The following STEAP1B variants were observed in gnomAD, a reference collection of about 807,000 sequenced individuals.
STEAP1B encodes the protein STEAP family member 1B.
In STEAP1B, 13 loss-of-function variants were observed where a neutral mutation model predicts 27.9. That is an observed-to-expected ratio of 0.47 (90% CI 0.30 to 0.74). STEAP1B has a LOEUF of 0.74. STEAP1B is among the 30% of genes least tolerant of loss of function. STEAP1B has a pLI of 0.06. For missense variants in STEAP1B, 250 were observed against 298.7 expected, an observed-to-expected ratio of 0.84 and a Z score of 1.20; for synonymous variants, 86 against 107.1, an observed-to-expected ratio of 0.80 and a Z score of 1.22.
chr7:22,446,390 G>A (rs1355673576), intron 4 of STEAP1B, among the ~76,000 whole-genome samples: 2 of 152,192 alleles, frequency 1.3e-5, no homozygotes, highest in African/African-American at 2.4e-5. Context: ...CCCCAACCTG[G>A]AGCCACAGGA....
chr7:22,479,698 T>C (rs1031685155), intron 4 of STEAP1B, among the ~76,000 whole-genome samples: 20 of 149,660 alleles, frequency 1.3e-4, no homozygotes, highest in Non-Finnish European at 3.0e-4. Context: ...TTTTTTTTTT[T>C]TTCTGAGATA....
chr7:22,452,692 G>T (rs1327117692), intron 4 of STEAP1B, among the ~76,000 whole-genome samples: 2 of 152,150 alleles, frequency 1.3e-5, no homozygotes, highest in Non-Finnish European at 2.9e-5. Flanking sequence ...TTCAGTCTCG[G>T]GGTAAAAACT....
intron 4 of STEAP1B, among the ~76,000 whole-genome samples, chr7:22,463,787 C>T (rs1051242618): frequency 2.6e-5 from 4 of 151,616 alleles, no homozygotes; most frequent in Admixed American, 6.6e-5. Flanking sequence ...CTTCCTTACA[C>T]CTTATACAAA....
intron 1 of STEAP1B, among the ~76,000 whole-genome samples, chr7:22,499,369 T>G (rs1181831275): frequency 3.4e-5 from 5 of 148,866 alleles, no homozygotes; most frequent in Non-Finnish European, 3.0e-5. Context: ...CTAAGTGAAG[T>G]CGAGTTTTTT....
At chr7:22,480,610 T>G (rs143006540) in intron 4 of STEAP1B, among the ~76,000 whole-genome samples, 1 of 152,306 alleles carries the variant, frequency 6.6e-6, no homozygotes, top group African/African-American at 2.4e-5. Flanking sequence ...TTGAGAAAAA[T>G]GGCTCCAGGC....
intron 4 of STEAP1B, among the ~76,000 whole-genome samples, chr7:22,473,262 T>C (rs987384149): frequency 2.0e-5 from 3 of 152,252 alleles, no homozygotes; most frequent in African/African-American, 4.8e-5. Context: ...AAGGACACCC[T>C]TTCTAGTTGA....
At chr7:22,437,554 A>G (rs1442874471) in intron 4 of STEAP1B, among the ~76,000 whole-genome samples, 2 of 152,242 alleles carry the variant, frequency 1.3e-5, no homozygotes, top group African/African-American at 2.4e-5. Context: ...TAATGTAGCA[A>G]TGAACATGGA....
At chr7:22,459,049 G>A (rs1423240012) in intron 4 of STEAP1B, among the ~76,000 whole-genome samples, 1 of 152,170 alleles carries the variant, frequency 6.6e-6, no homozygotes, top group Non-Finnish European at 1.5e-5. Flanking sequence ...TCCAGCAATT[G>A]ACTTTGGCTC....
chr7:22,499,362 A>G (rs928744981), intron 1 of STEAP1B, among the ~76,000 whole-genome samples: 8 of 151,160 alleles, frequency 5.3e-5, no homozygotes, highest in Non-Finnish European at 1.0e-4. Flanking sequence ...CATTTAACTA[A>G]GTGAAGTCGA....
intron 4 of STEAP1B, among the ~76,000 whole-genome samples, chr7:22,452,422 C>A (rs1785506245): frequency 6.6e-6 from 1 of 152,048 alleles, no homozygotes; most frequent in Non-Finnish European, 1.5e-5. Context: ...CAGACAATCC[C>A]CCCCCTCCCC....
intron 4 of STEAP1B, among the ~76,000 whole-genome samples, chr7:22,459,623 T>C (rs1785644435): frequency 6.6e-6 from 1 of 152,244 alleles, no homozygotes; most frequent in Non-Finnish European, 1.5e-5. Context: ...AGTTTCCATA[T>C]CCTCTCCTCC....
chr7:22,486,652 C>A (rs946419793), intron 4 of STEAP1B, among the ~76,000 whole-genome samples: 1 of 152,070 alleles, frequency 6.6e-6, no homozygotes, highest in African/African-American at 2.4e-5. Flanking sequence ...CTGTGCCTGT[C>A]CCTCTACCTC....
At chr7:22,490,565 T>C (rs562191560) in intron 4 of STEAP1B, among the ~76,000 whole-genome samples, 1 of 152,226 alleles carries the variant, frequency 6.6e-6, no homozygotes, top group Non-Finnish European at 1.5e-5. Flanking sequence ...CATACTATTT[T>C]GTATTACCGT....
At chr7:22,428,108 G>C (rs894930358) in intron 4 of STEAP1B, among the ~76,000 whole-genome samples, 1 of 152,106 alleles carries the variant, frequency 6.6e-6, no homozygotes, top group Non-Finnish European at 1.5e-5. Context: ...ACATAGGATG[G>C]AATCTGCCCT....
At chr7:22,463,193 CT>C in intron 4 of STEAP1B, among the ~76,000 whole-genome samples, 1 of 151,936 alleles carries the variant, frequency 6.6e-6, no homozygotes, top group South Asian at 2.1e-4. Flanking sequence ...CATGAGTGAA[CT>C]CCCATTCACA....
chr7:22,456,291 T>C (rs959020356), intron 4 of STEAP1B, among the ~76,000 whole-genome samples: 5 of 152,256 alleles, frequency 3.3e-5, no homozygotes, highest in African/African-American at 4.8e-5. Flanking sequence ...AATCAGATTG[T>C]CTTCCTCAGT....
chr7:22,438,620 T>C (rs1225730028), intron 4 of STEAP1B: 9 of 1,552,198 alleles, frequency 5.8e-6, no homozygotes, highest in Admixed American at 2.0e-5. Flanking sequence ...ATATAACTCC[T>C]AGTCTTGGAA....
intron 4 of STEAP1B, among the ~76,000 whole-genome samples, chr7:22,487,009 A>G (rs1280876997): frequency 6.6e-6 from 1 of 152,236 alleles, no homozygotes; most frequent in Non-Finnish European, 1.5e-5. Flanking sequence ...ACATCCTAAC[A>G]AGTATTGCTT....
intron 4 of STEAP1B, among the ~76,000 whole-genome samples, chr7:22,476,713 A>T (rs567025603): frequency 6.6e-6 from 1 of 152,170 alleles, no homozygotes; most frequent in Non-Finnish European, 1.5e-5. Flanking sequence ...AGTTATTGTT[A>T]TCAGGCACAT....
Sources: gnomAD v4.1 joint callset for allele counts (sites outside exome capture counted in the v4.1 genomes callset) on GRCh38, gnomAD v4.1.1 for gene constraint, MANE v1.5 for transcripts, NCBI Gene and HGNC (gene_info 2026-07-23, HGNC 2026-07-21) for gene names.